NPC1: variants seen among roughly 807,000 people sequenced by gnomAD.
NPC1 encodes the protein Niemann-Pick C1 protein.
A neutral mutation model predicts 140.4 loss-of-function variants in NPC1; 85 were observed. That is an observed-to-expected ratio of 0.61 (90% CI 0.51 to 0.72). The LOEUF (loss-of-function observed/expected upper bound fraction) is 0.72. Ranked by LOEUF, NPC1 falls within the 30% of genes least tolerant of loss-of-function variation. NPC1 has a pLI of 0.00. For missense variants in NPC1, 1,504 were observed against 1,623.8 expected (o/e 0.93, Z 1.27); for synonymous variants, 656 against 624.8 (o/e 1.05, Z -0.74).
intron 12 of NPC1, 118 bp downstream of exon 12, chr18:23,544,842 T>C: frequency 2.5e-6 from 2 of 790,722 alleles, no homozygotes. Context: ...AATTAAAACA[T>C]GGGGGAATTT....
Position 23,554,431 on chromosome 18 carries a change from C to T in NPC1, c.1553+327G>A, listed in dbSNP as rs148115026. On this transcript the variant is annotated intron_variant, in intron 9 of 24. Coordinates refer to ENST00000269228, the MANE Select transcript of NPC1 (RefSeq NM_000271.5). ...GACCAGCCTGGCCAACATGGCGAAA[C>T]CCCATCTCTACTGAAAATACAAAAA... is the stretch of plus-strand genomic sequence containing the variant. Among the ~76,000 whole-genome samples the T allele has an allele frequency of 6.2e-3, 937 of 152,202 alleles. 7 individuals carry two copies. Among genetic ancestry groups the T allele is most frequent in the African/African-American group, 0.022 (895 of 41,512 alleles).
At chr18:23,579,137 G>A (rs572050830) in intron 1 of NPC1, among the ~76,000 whole-genome samples, 27 of 152,312 alleles carry the variant, frequency 1.8e-4, no homozygotes, top group African/African-American at 6.0e-4. Context: ...CCCACATGAA[G>A]TAGGACCTGC....
rs570225745 is a variant in NPC1 at position 23,543,096 on chromosome 18, G to A, written c.2245+359C>T. ...TAATCTCAGCACTTTGGGAGGCCGAGGCAGGTACATCACCTGAGGTCAGGA... is the reference window on the plus strand; with the variant it reads ...TAATCTCAGCACTTTGGGAGGCCGAAGCAGGTACATCACCTGAGGTCAGGA... On this transcript the variant is annotated intron_variant, in intron 14 of 24. Coordinates refer to ENST00000269228, the MANE Select transcript of NPC1 (RefSeq NM_000271.5). Among the ~76,000 whole-genome samples the A allele has an allele frequency of 2.0e-5, 3 of 152,280 alleles. No individual in the cohort carries two copies. In the East Asian group the frequency reaches 5.8e-4, roughly 29 times the overall value.
intron 10 of NPC1, 149 bp from the exon 11 acceptor site, chr18:23,548,257 A>G: frequency 1.5e-6 from 1 of 683,544 alleles, no homozygotes; most frequent in Non-Finnish European, 2.7e-6. Context: ...GTTTGCTGAA[A>G]TAGTCTTTAT....
At chr18:23,537,354 G>A (rs1942368386) in intron 20 of NPC1, among the ~76,000 whole-genome samples, 1 of 152,230 alleles carries the variant, frequency 6.6e-6, no homozygotes. Flanking sequence ...TGGGATTACA[G>A]GTGTGAGCCA....
intron 2 of NPC1, among the ~76,000 whole-genome samples, chr18:23,573,246 G>A (rs757263637): frequency 4.6e-5 from 7 of 152,218 alleles, no homozygotes; most frequent in Non-Finnish European, 7.4e-5. Context: ...GAGGTATAAA[G>A]TCAGCCCCTG....
At chr18:23,562,839 A>C (rs909619649) in intron 4 of NPC1, among the ~76,000 whole-genome samples, 1 of 151,594 alleles carries the variant, frequency 6.6e-6, no homozygotes. Context: ...ATAAAAAAAT[A>C]AAAAAAAATT....
intron 7 of NPC1, 186 bp from the exon 8 acceptor site, chr18:23,556,799 G>A: frequency 1.1e-6 from 1 of 887,814 alleles, no homozygotes; most frequent in Non-Finnish European, 1.8e-6. Context: ...TGCCCTCAAT[G>A]AGCGCTATTC....
intron 3 of NPC1, among the ~76,000 whole-genome samples, chr18:23,570,645 T>C (rs2059188220): frequency 6.6e-6 from 1 of 152,224 alleles, no homozygotes; most frequent in African/African-American, 2.4e-5. Context: ...CCCAAACATC[T>C]TTATCAGTGT....
At chr18:23,523,700 C>G (rs556039567) in intron 1 of NPC1, among the ~76,000 whole-genome samples, 38 of 152,116 alleles carry the variant, frequency 2.5e-4, no homozygotes, top group African/African-American at 9.2e-4. Context: ...CAAGCCTGGA[C>G]AGCAGAGCAA....
In NPC1 at chr18:23,554,969, T is replaced by C; in HGVS notation, c.1342A>G (p.Ile448Val). The C allele has an allele frequency of 6.2e-7, 1 of 1,611,528 alleles. No homozygotes were observed. ...GAGGCAGTAATGTTTTCGATGGCTA[T>C]TTGTAAGTCAAGAACCTGAAAGAAG... ...QILHQVLDLQIAIENITASYD... is the reference protein window; with the variant it reads ...QILHQVLDLQVAIENITASYD... The change falls in exon 9 of 25, where the codon ATA becomes GTA. Residue 448 changes from isoleucine (I) to valine (V), a missense_variant. By Grantham distance (29) the Ile-to-Val change is conservative. Transcript: ENST00000269228.
chr18:23,566,975 G>A (rs1003161124), intron 4 of NPC1, among the ~76,000 whole-genome samples: 32 of 152,138 alleles, frequency 2.1e-4, no homozygotes, highest in African/African-American at 7.7e-4. Context: ...AGGATTTAAG[G>A]TTCATCCATG....
downstream of NPC1, chr18:23,527,860 G>A (rs2058352003): frequency 1.2e-6 from 2 of 1,614,108 alleles, no homozygotes; most frequent in Non-Finnish European, 1.7e-6. Context: ...ACTCAACCAT[G>A]AGTATAAAAA....
chr18:23,562,296 C>CAAAAAAAAAAAAAA (rs11294706), intron 4 of NPC1, among the ~76,000 whole-genome samples: 2 of 132,580 alleles, frequency 1.5e-5, no homozygotes, highest in Non-Finnish European at 1.7e-5. Context: ...CACAAAAAAA[C>CAAAAAAAAAAAAAA]AAAAAAAAAA....
chr18:23,528,871 C>A, downstream of NPC1: 2 of 242,046 alleles, frequency 8.3e-6, no homozygotes, highest in South Asian at 5.8e-5. Flanking sequence ...ATAATCTGCA[C>A]GGATCTGAAC....
chr18:23,538,929 G>T (rs1323197141), intron 19 of NPC1: 2 of 511,888 alleles, frequency 3.9e-6, no homozygotes, highest in Non-Finnish European at 7.0e-6. Flanking sequence ...CCTCCTTCAA[G>T]TATGGCCTTG....
intron 13 of NPC1, 127 bp downstream of exon 13, chr18:23,544,217 T>C: frequency 1.1e-6 from 1 of 896,476 alleles, no homozygotes; most frequent in Non-Finnish European, 1.8e-6. Flanking sequence ...AGACGACCGA[T>C]GAGCCACACA....
rs751625106 is a variant in NPC1 at position 23,544,535 on chromosome 18, G to C, written c.1948-9C>G. The C allele has an allele frequency of 6.2e-7, 1 of 1,613,908 alleles. No homozygotes were observed. The highest frequency in any genetic ancestry group is 8.5e-7 in the Non-Finnish European group (1 of 1,179,838). On this transcript the variant is annotated splice_polypyrimidine_tract_variant and intron_variant, in intron 12 of 24. Coordinates refer to ENST00000269228, the MANE Select transcript of NPC1 (RefSeq NM_000271.5). ...GAGACCTTCGAATCCACCTGAGAGA[G>C]GCGACAGACACAATCACCAATTAGT...
At chr18:23,551,183 T>C (rs1003442851) in intron 10 of NPC1, among the ~76,000 whole-genome samples, 3 of 152,220 alleles carry the variant, frequency 2.0e-5, no homozygotes, top group African/African-American at 7.2e-5. Flanking sequence ...AATACTCAAC[T>C]GACTGGCTTA....
Sources: allele counts gnomAD v4.1 joint callset (sites outside exome capture counted in the v4.1 genomes callset), GRCh38; gene constraint gnomAD v4.1.1; transcripts MANE v1.5; gene names NCBI Gene and HGNC (gene_info 2026-07-23, HGNC 2026-07-21).